The following DTWD2 variants were observed in gnomAD, a reference collection of about 807,000 sequenced individuals.
DTWD2 encodes tRNA-uridine aminocarboxypropyltransferase 2.
Under a neutral mutation model 31.8 loss-of-function variants are expected in DTWD2, and 39 were observed. The observed-to-expected ratio is 1.22, with a 90% confidence interval of 0.95 to 1.60. The LOEUF is 1.60. Among genes scored for constraint, DTWD2 ranks in the 40% most tolerant of loss-of-function variants. DTWD2 has a pLI of 0.00. For synonymous variants in DTWD2, 180 were observed against 142.8 expected, an observed-to-expected ratio of 1.26 and a Z score of -1.86; for missense variants, 515 against 381.5, an observed-to-expected ratio of 1.35 and a Z score of -2.92.
chr5:118,857,544 T>C (rs1752166421), intron 4 of DTWD2, among the ~76,000 whole-genome samples: 1 of 152,238 alleles, frequency 6.6e-6, no homozygotes, highest in South Asian at 2.1e-4. Flanking sequence ...TCGGAGTCTT[T>C]ATATATTACA....
intron 4 of DTWD2, among the ~76,000 whole-genome samples, 155 bp downstream of exon 4, chr5:118,928,382 A>T (rs1210810690): frequency 6.6e-6 from 1 of 152,048 alleles, no homozygotes; most frequent in East Asian, 1.9e-4. Context: ...AAACTCATAA[A>T]CATAAGCATA....
At chr5:118,924,404 C>A (rs1294995292) in intron 4 of DTWD2, among the ~76,000 whole-genome samples, 2 of 152,174 alleles carry the variant, frequency 1.3e-5, no homozygotes, top group Non-Finnish European at 2.9e-5. Flanking sequence ...CTCACCGGTA[C>A]ATGATCTATA....
intron 4 of DTWD2, among the ~76,000 whole-genome samples, chr5:118,883,573 T>C (rs180866318): frequency 1.2e-3 from 177 of 152,286 alleles, no homozygotes; most frequent in Admixed American, 2.4e-3. Flanking sequence ...CCCGCATAGC[T>C]GAGGAGGCCT....
At chr5:118,920,948 A>G (rs1364518949) in intron 4 of DTWD2, among the ~76,000 whole-genome samples, 4 of 152,242 alleles carry the variant, frequency 2.6e-5, no homozygotes, top group Admixed American at 6.5e-5. Context: ...TCAATAAAGA[A>G]TGGATGGAAG....
chr5:118,908,524 G>A (rs147746649), intron 4 of DTWD2, among the ~76,000 whole-genome samples: 19 of 152,142 alleles, frequency 1.2e-4, no homozygotes, highest in African/African-American at 4.3e-4. Flanking sequence ...ATGTCAAACC[G>A]TGTCTTATAT....
chr5:118,853,327 G>GA (rs1329328797), intron 4 of DTWD2, among the ~76,000 whole-genome samples: 2 of 152,128 alleles, frequency 1.3e-5, no homozygotes, highest in Non-Finnish European at 2.9e-5. Context: ...AGCCTCTATA[G>GA]AAATTAGTTT....
At chr5:118,964,537 C>T (rs1754783865) in intron 1 of DTWD2, among the ~76,000 whole-genome samples, 1 of 152,012 alleles carries the variant, frequency 6.6e-6, no homozygotes, top group Non-Finnish European at 1.5e-5. Context: ...TGCAACCTCC[C>T]TGCCTGATGC....
At chr5:118,952,242 C>A (rs1009108773) in intron 1 of DTWD2, among the ~76,000 whole-genome samples, 3 of 152,178 alleles carry the variant, frequency 2.0e-5, no homozygotes, top group Non-Finnish European at 2.9e-5. Flanking sequence ...CAAGGGAGGT[C>A]CCCCAATCCG....
intron 1 of DTWD2, among the ~76,000 whole-genome samples, chr5:118,972,514 G>A (rs1368721780): frequency 3.3e-5 from 5 of 152,040 alleles, no homozygotes. Context: ...GCCCAGGAAA[G>A]GATGAATTTA....
intron 4 of DTWD2, among the ~76,000 whole-genome samples, chr5:118,850,131 G>C (rs1751963054): frequency 6.6e-6 from 1 of 151,756 alleles, no homozygotes. Context: ...ATATGCCAAA[G>C]AATGAAACTG....
intron 4 of DTWD2, among the ~76,000 whole-genome samples, chr5:118,863,303 T>G (rs1271351818): frequency 6.6e-6 from 1 of 152,246 alleles, no homozygotes; most frequent in Admixed American, 6.5e-5. Flanking sequence ...AAATCAAGTA[T>G]GCATATATTA....
chr5:118,856,764 C>CTTTTTTTTTTTTTTTTT (rs68175368), intron 4 of DTWD2, among the ~76,000 whole-genome samples: 1 of 44,354 alleles, frequency 2.3e-5, no homozygotes, highest in Non-Finnish European at 4.0e-5. Flanking sequence ...TTGAGGCTTA[C>CTTTTTTTTTTTTTTTTT]TTTTTTTTTT....
Position 118,931,746 on chromosome 5 carries a change from T to C in DTWD2, c.405-3017A>G, listed in dbSNP as rs549337597. Among the ~76,000 whole-genome samples, 14 of 152,344 alleles carry C rather than the reference T, an allele frequency of 9.2e-5. No individual in the cohort carries two copies. The South Asian group carries it at 2.3e-3, about 25-fold the overall frequency. ...AGCATTATCAATCAACTTGATCTAA[T>C]TGATATTTATAGAATAGTCCACCAA... On this transcript the variant is annotated intron_variant, in intron 3 of 5. Coordinates refer to ENST00000510708, the MANE Select transcript of DTWD2 (RefSeq NM_173666.4).
At chr5:118,925,537 T>C (rs1351999679) in intron 4 of DTWD2, among the ~76,000 whole-genome samples, 1 of 152,160 alleles carries the variant, frequency 6.6e-6, no homozygotes, top group Admixed American at 6.5e-5. Context: ...ATTGATAGTA[T>C]GGAGATTCCT....
In DTWD2 at chr5:118,988,288, G is replaced by A. The variant is rs1357795642; in HGVS notation, c.218+6C>T. ...CTGCAGTCCCCGCCCCCAGCCCCGC[G>A]GTCACCTGCAGCGGGTGCACTCAGG... On this transcript the variant is annotated splice_donor_region_variant and intron_variant, in intron 1 of 5. Coordinates refer to ENST00000510708, the MANE Select transcript of DTWD2 (RefSeq NM_173666.4). 6.6e-7 allele frequency: 1 copy of A among 1,524,130 alleles called. No individual in the cohort carries two copies. Among genetic ancestry groups the A allele is most frequent in the East Asian group, 2.5e-5 (1 of 40,524 alleles). The allele number at this position is 1,524,130 out of a possible 1,614,324, so 94.4% of individuals were successfully genotyped here.
chr5:118,939,234 C>T lies in DTWD2; in HGVS notation c.366G>A (p.Lys122=). 1 of 1,606,344 alleles carries T rather than the reference C, an allele frequency of 6.2e-7. No individual in the cohort carries two copies. Among genetic ancestry groups the T allele is most frequent in the Admixed American group, 1.7e-5 (1 of 58,940 alleles). Residue 122 remains lysine (K), a synonymous_variant, in exon 3 of 6, where the codon AAG becomes AAA. Transcript: ENST00000510708. ...AGCGACGACCGATCTTCACTTTACA[C>T]TTGTCCTGGGGGAGGCATGCTGCTA... The part of the protein sequence containing the change: ...PLLAACLPQD[K]CKVKIGRRFS...
rs1044991212 is a variant in DTWD2 at position 118,847,854 on chromosome 5, T to C, written c.726+236A>G. 2.0e-5 allele frequency among the ~76,000 whole-genome samples: 3 copies of C among 152,172 alleles called. No individual in the cohort carries two copies. The East Asian group carries it at 5.8e-4, about 29-fold the overall frequency. Reference sequence around the variant, plus strand: ...TGCTACTTAAATGTAATTTAGCATATTACAAATGCTGTTTGCACAGTTTAG... The same window carrying C: ...TGCTACTTAAATGTAATTTAGCATACTACAAATGCTGTTTGCACAGTTTAG... On this transcript the variant is annotated intron_variant, in intron 5 of 5. Transcript: ENST00000510708.
At chr5:118,926,001 A>G (rs1011394445) in intron 4 of DTWD2, among the ~76,000 whole-genome samples, 2 of 152,154 alleles carry the variant, frequency 1.3e-5, no homozygotes, top group Non-Finnish European at 2.9e-5. Context: ...AAGCCGAGGT[A>G]GGGAGAGGAT....
At chr5:118,941,353 T>C (rs1176331493) in intron 2 of DTWD2, among the ~76,000 whole-genome samples, 1 of 152,010 alleles carries the variant, frequency 6.6e-6, no homozygotes, top group East Asian at 1.9e-4. Flanking sequence ...CAGGCCCCGG[T>C]GTGTGATGTT....
Sources: gnomAD v4.1 joint callset for allele counts (sites outside exome capture counted in the v4.1 genomes callset) on GRCh38, gnomAD v4.1.1 for gene constraint, MANE v1.5 for transcripts, NCBI Gene and HGNC (gene_info 2026-07-23, HGNC 2026-07-21) for gene names.